SGCD: variants seen among roughly 807,000 people sequenced by gnomAD.
The protein encoded by SGCD is delta-sarcoglycan.
SGCD carries 18 observed loss-of-function variants against 36.6 expected under a neutral mutation model. That is an observed-to-expected ratio of 0.49 (90% CI 0.34 to 0.73). The LOEUF is 0.73. Among genes scored for constraint, SGCD ranks in the 30% least tolerant of loss-of-function variants. The probability of loss-of-function intolerance (pLI) is 0.01; values close to 1 mark genes in which losing one functional copy is unlikely to be tolerated. For missense variants in SGCD, 387 were observed against 346.7 expected, an observed-to-expected ratio of 1.12 and a Z score of -0.92; for synonymous variants, 133 against 130.6, an observed-to-expected ratio of 1.02 and a Z score of -0.12.
chr5:156,034,903 C>T (rs1759450442), intron 1 of SGCD, among the ~76,000 whole-genome samples: 1 of 152,188 alleles, frequency 6.6e-6, no homozygotes, highest in Non-Finnish European at 1.5e-5. Context: ...ATGTGTAGTT[C>T]AGAGCTTAGC....
rs1310914913 is a variant in SGCD, at chr5:156,674,645, C to G, written c.575+27109C>G. Reference sequence around the variant, plus strand: ...GATTTTAACTAAATAATACTCAGGTCTGCTCTCATATGAAGATTCTAAGAC... The same window carrying G: ...GATTTTAACTAAATAATACTCAGGTGTGCTCTCATATGAAGATTCTAAGAC... On this transcript the variant is annotated intron_variant, in intron 7 of 8. Coordinates refer to ENST00000337851, the MANE Select transcript of SGCD (RefSeq NM_000337.6). Among the ~76,000 whole-genome samples the G allele has an allele frequency of 2.6e-5, 4 of 152,252 alleles. No individual in the cohort carries two copies. In the East Asian group the frequency reaches 5.8e-4, roughly 22 times the overall value.
chr5:156,620,079 G>T (rs1358509942), intron 6 of SGCD, among the ~76,000 whole-genome samples: 1 of 152,206 alleles, frequency 6.6e-6, no homozygotes, highest in African/African-American at 2.4e-5. Flanking sequence ...CAGAATAAGT[G>T]AGTATGGGGT....
chr5:156,172,404 G>A (rs527430103), intron 3 of SGCD, among the ~76,000 whole-genome samples: 4 of 152,312 alleles, frequency 2.6e-5, no homozygotes, highest in South Asian at 2.1e-4. Context: ...CGAGGAAGTC[G>A]GGAAGCATTT....
At chr5:156,358,109 C>T (rs1268410043) in intron 3 of SGCD, among the ~76,000 whole-genome samples, 2 of 152,208 alleles carry the variant, frequency 1.3e-5, no homozygotes, top group East Asian at 1.9e-4. Context: ...TGTTTTCTCT[C>T]TTTCTCTCAT....
chr5:156,409,156 G>T (rs566912160), intron 3 of SGCD, among the ~76,000 whole-genome samples: 10 of 152,184 alleles, frequency 6.6e-5, no homozygotes, highest in Admixed American at 2.6e-4. Flanking sequence ...CATTGCAAAA[G>T]AAAAATAAAA....
chr5:156,036,709 TG>T (rs1169760146), intron 1 of SGCD, among the ~76,000 whole-genome samples: 5 of 152,196 alleles, frequency 3.3e-5, no homozygotes, highest in Admixed American at 3.3e-4. Context: ...GCTAGGTGCC[TG>T]GAATTTCCCT....
rs958129719 is a variant in SGCD, at chr5:156,432,025, T to A, written c.193-76576T>A. Among the ~76,000 whole-genome samples the A allele has an allele frequency of 4.6e-5, 7 of 152,154 alleles. No individual in the cohort carries two copies. The East Asian group carries it at 1.3e-3, about 29-fold the overall frequency. On this transcript the variant is annotated intron_variant, in intron 3 of 8. Transcript: ENST00000337851. The stretch of plus-strand genomic sequence containing the variant: ...GCCACCGCACCCAGCCAGACTGCAA[T>A]GATTGTTCTGCTTTTCTGGGTCTAG...
At chr5:156,036,828 C>G (rs1157172824) in intron 1 of SGCD, among the ~76,000 whole-genome samples, 2 of 152,120 alleles carry the variant, frequency 1.3e-5, no homozygotes, top group Non-Finnish European at 2.9e-5. Flanking sequence ...TGCTTCACCC[C>G]AGAGCACATG....
intron 3 of SGCD, among the ~76,000 whole-genome samples, chr5:156,209,269 G>A (rs1764373582): frequency 6.6e-6 from 1 of 152,156 alleles, no homozygotes; most frequent in Non-Finnish European, 1.5e-5. Context: ...TTCCAGACCA[G>A]TGCTAGATCA....
At chr5:156,715,199 G>A (rs1236814048) in intron 7 of SGCD, among the ~76,000 whole-genome samples, 1 of 152,304 alleles carries the variant, frequency 6.6e-6, no homozygotes, top group East Asian at 1.9e-4. Flanking sequence ...ATAACGGAAA[G>A]GGGAAAGTAG....
intron 3 of SGCD, among the ~76,000 whole-genome samples, chr5:156,464,214 A>ATTTT (rs1318941829): frequency 8.8e-5 from 11 of 125,256 alleles, no homozygotes; most frequent in African/African-American, 3.1e-4. Context: ...TTGAATCTAC[A>ATTTT]TATTTTTTTT....
chr5:156,397,810 G>A (rs1771942868), intron 3 of SGCD, among the ~76,000 whole-genome samples: 1 of 152,140 alleles, frequency 6.6e-6, no homozygotes, highest in African/African-American at 2.4e-5. Context: ...AGGAAGCAGG[G>A]TAAAATGATT....
chr5:156,368,636 C>T (rs1030649118), intron 3 of SGCD, among the ~76,000 whole-genome samples: 6 of 151,818 alleles, frequency 4.0e-5, no homozygotes, highest in African/African-American at 1.5e-4. Flanking sequence ...CACTCTCCAT[C>T]ACTTGCATTA....
chr5:156,281,814 A>C (rs986435707), intron 3 of SGCD, among the ~76,000 whole-genome samples: 6 of 152,190 alleles, frequency 3.9e-5, no homozygotes, highest in African/African-American at 1.4e-4. Flanking sequence ...TGTCATCAAC[A>C]TTTTTTATTT....
chr5:156,027,396 T>C (rs256627), intron 1 of SGCD, among the ~76,000 whole-genome samples: 111,860 of 152,062 alleles, frequency 0.74, 41,254 homozygotes, highest in Admixed American at 0.8. Context: ...AGGACCTGCC[T>C]ATGTGGGGAC....
At chr5:156,307,555 GTTT>G (rs59481792) in intron 3 of SGCD, among the ~76,000 whole-genome samples, 5 of 41,156 alleles carry the variant, frequency 1.2e-4, no homozygotes, top group Non-Finnish European at 1.9e-4. Context: ...TTTAACTGTT[GTTT>G]TTTTTTTTTT....
At chr5:156,407,661 T>G (rs1400239697) in intron 3 of SGCD, among the ~76,000 whole-genome samples, 2 of 152,302 alleles carry the variant, frequency 1.3e-5, no homozygotes, top group East Asian at 3.9e-4. Context: ...ATGAGGAGTG[T>G]CTTGAGCTTT....
At chr5:156,005,140 A>G (rs574785816) in intron 1 of SGCD, among the ~76,000 whole-genome samples, 1 of 152,254 alleles carries the variant, frequency 6.6e-6, no homozygotes, top group South Asian at 2.1e-4. Flanking sequence ...GGATAATAGG[A>G]AATTAACTCT....
chr5:155,789,655 A>C, the SGCD span, among the ~76,000 whole-genome samples: 2 of 152,134 alleles, frequency 1.3e-5, no homozygotes, highest in African/African-American at 4.8e-5. Flanking sequence ...TGCCTCTTAA[A>C]GTTATACAAA....
Sources: gnomAD v4.1 joint callset for allele counts (sites outside exome capture counted in the v4.1 genomes callset) on GRCh38, gnomAD v4.1.1 for gene constraint, MANE v1.5 for transcripts, NCBI Gene and HGNC (gene_info 2026-07-23, HGNC 2026-07-21) for gene names.